Variants in NFIB observed in about 807,000 individuals in gnomAD.
NFIB encodes the protein nuclear factor 1 B-type.
In NFIB, 11 loss-of-function variants were observed where a neutral mutation model predicts 61.5. That is an observed-to-expected ratio of 0.18 (90% CI 0.11 to 0.30). The LOEUF (loss-of-function observed/expected upper bound fraction) is 0.30, where lower values mean the gene tolerates loss of function less well. Ranked by LOEUF, NFIB falls within the 10% of genes least tolerant of loss-of-function variation. NFIB has a pLI of 1.00. For synonymous variants in NFIB, 260 were observed against 216.5 expected, an observed-to-expected ratio of 1.20 and a Z score of -1.76; for missense variants, 471 against 608.9, an observed-to-expected ratio of 0.77 and a Z score of 2.38.
At chr9:14,526,064 C>G in the NFIB span, among the ~76,000 whole-genome samples, 1 of 152,126 alleles carries the variant, frequency 6.6e-6, no homozygotes, top group East Asian at 1.9e-4. Context: ...GCTGCCTCTA[C>G]CAGCCGTGAG....
intron 2 of NFIB, among the ~76,000 whole-genome samples, chr9:14,230,914 T>C (rs2053051561): frequency 6.6e-6 from 1 of 151,586 alleles, no homozygotes; most frequent in Non-Finnish European, 1.5e-5. Flanking sequence ...CTTTCCACAA[T>C]CATCCCTCAG....
chr9:14,498,764 G>GCCCCC, the NFIB span, among the ~76,000 whole-genome samples: 2 of 78,222 alleles, frequency 2.6e-5, no homozygotes, highest in African/African-American at 4.7e-5. Flanking sequence ...AACACTCATG[G>GCCCCC]CCCTCCCTCC....
the NFIB span, among the ~76,000 whole-genome samples, chr9:14,502,415 T>C: frequency 1.3e-5 from 2 of 152,194 alleles, no homozygotes; most frequent in Admixed American, 1.3e-4. Flanking sequence ...GAAAGTGACC[T>C]GAGAAGATTA....
intron 3 of NFIB, among the ~76,000 whole-genome samples, chr9:14,169,821 C>G (rs925234222): frequency 1.1e-4 from 16 of 152,088 alleles, no homozygotes; most frequent in Admixed American, 9.8e-4. Context: ...CCTTCTCAAA[C>G]AAACAAACAA....
intron 2 of NFIB, among the ~76,000 whole-genome samples, chr9:14,306,540 C>T (rs1227403952): frequency 6.6e-6 from 1 of 152,074 alleles, no homozygotes; most frequent in Non-Finnish European, 1.5e-5. Flanking sequence ...CAAAGTCCCT[C>T]TACCTCATTA....
the NFIB span, among the ~76,000 whole-genome samples, chr9:14,499,302 T>C: frequency 6.6e-6 from 1 of 151,986 alleles, no homozygotes; most frequent in Non-Finnish European, 1.5e-5. Flanking sequence ...ATGGTGGAGG[T>C]AGCAGGAGAG....
At chr9:14,347,151 T>TA (rs3081608) in intron 1 of NFIB, among the ~76,000 whole-genome samples, 1,456 of 142,196 alleles carry the variant, frequency 0.01, 15 homozygotes, top group African/African-American at 0.027. Context: ...GGTGGGATCT[T>TA]AAAAAAAAAA....
At chr9:14,145,870 AT>A (rs780880679) in intron 6 of NFIB, among the ~76,000 whole-genome samples, 69 of 151,416 alleles carry the variant, frequency 4.6e-4, no homozygotes, top group African/African-American at 1.6e-3. Flanking sequence ...CCCAGGCTAG[AT>A]TTTTTTTAAT....
In NFIB at chr9:14,394,415, A is replaced by G. The variant is rs1019341395; in HGVS notation, c.108+4109T>C. Among the ~76,000 whole-genome samples the G allele has an allele frequency of 2.6e-5, 4 of 152,312 alleles. No individual in the cohort carries two copies. The East Asian group carries it at 5.8e-4, about 22-fold the overall frequency. On this transcript the variant is annotated intron_variant, in intron 1 of 8. Transcript: ENST00000380934. ...AGGTTTAATGGACTCACAGTTCCAC[A>G]TGGCTGGGGATGCCTCATAATAATG...
At chr9:14,295,719 G>C (rs1021480641) in intron 2 of NFIB, among the ~76,000 whole-genome samples, 1 of 152,110 alleles carries the variant, frequency 6.6e-6, no homozygotes, top group Non-Finnish European at 1.5e-5. Context: ...AATCTAAAAC[G>C]TAAGTGTAGT....
intron 2 of NFIB, among the ~76,000 whole-genome samples, chr9:14,230,991 G>A (rs1180775720): frequency 6.6e-6 from 1 of 151,248 alleles, no homozygotes; most frequent in Non-Finnish European, 1.5e-5. Flanking sequence ...GAGAAATGGA[G>A]TTCGCAAGAT....
chr9:14,328,080 G>A (rs1201615064), intron 1 of NFIB, among the ~76,000 whole-genome samples: 1 of 152,154 alleles, frequency 6.6e-6, no homozygotes, highest in Non-Finnish European at 1.5e-5. Flanking sequence ...ACAAGTTTTA[G>A]GAACATACCT....
intron 2 of NFIB, chr9:14,300,308 T>C (rs1022868104): frequency 2.5e-6 from 1 of 398,082 alleles, no homozygotes; most frequent in African/African-American, 2.1e-5. Context: ...TCCTTGAGAT[T>C]TCTAAAATTA....
chr9:14,215,428 G>A (rs555671259), intron 2 of NFIB, among the ~76,000 whole-genome samples: 2 of 152,146 alleles, frequency 1.3e-5, no homozygotes, highest in East Asian at 3.9e-4. Context: ...ATAAGTAAAA[G>A]TTTGAGTATT....
chr9:14,421,675 C>T, the NFIB span, among the ~76,000 whole-genome samples: 5 of 152,254 alleles, frequency 3.3e-5, no homozygotes. Context: ...GGATACATTT[C>T]GACAAAGCAA....
chr9:14,194,771 G>A (rs559417071), intron 2 of NFIB, among the ~76,000 whole-genome samples: 2 of 152,120 alleles, frequency 1.3e-5, no homozygotes, highest in Non-Finnish European at 2.9e-5. Context: ...CTTAGAAATG[G>A]GATGACAGCA....
At chr9:14,529,959 C>T in the NFIB span, among the ~76,000 whole-genome samples, 2 of 152,162 alleles carry the variant, frequency 1.3e-5, no homozygotes, top group African/African-American at 4.8e-5. Flanking sequence ...TCTTGAGAAG[C>T]TGCAATCTGA....
intron 1 of NFIB, among the ~76,000 whole-genome samples, chr9:14,363,938 CT>C (rs2061270782): frequency 6.6e-6 from 1 of 152,162 alleles, no homozygotes; most frequent in Non-Finnish European, 1.5e-5. Flanking sequence ...GAACCATACT[CT>C]CCTTAACCAA....
At position 14,221,897 on chromosome 9, in the gene NFIB, C is replaced by A. The variant is rs142407187; in HGVS notation, c.563-42117G>T. Among the ~76,000 whole-genome samples, 262 of 152,276 alleles carry A rather than the reference C, an allele frequency of 1.7e-3. 3 individuals are homozygous for A. Among genetic ancestry groups the A allele is most frequent in the African/African-American group, 6.0e-3 (249 of 41,554 alleles). ...TATGTCATTTTCCCTTTCTGAACCACCATATCTCAATTATTAAATGAGGGT... is the reference window on the plus strand; with the variant it reads ...TATGTCATTTTCCCTTTCTGAACCAACATATCTCAATTATTAAATGAGGGT... On this transcript the variant is annotated intron_variant, in intron 2 of 10. Transcript: ENST00000380953.
Sources: allele counts gnomAD v4.1 joint callset (sites outside exome capture counted in the v4.1 genomes callset), GRCh38; gene constraint gnomAD v4.1.1; transcripts MANE v1.5; gene names NCBI Gene and HGNC (gene_info 2026-07-23, HGNC 2026-07-21).